CCDC85A: variants seen among roughly 807,000 people sequenced by gnomAD.
CCDC85A encodes coiled-coil domain-containing protein 85A.
In CCDC85A, 38 loss-of-function variants were observed where a neutral mutation model predicts 50.2. The observed-to-expected ratio is 0.76, with a 90% CI of 0.58 to 0.99. The LOEUF is 0.99. Among genes scored for constraint, CCDC85A ranks in the 50% least tolerant of loss-of-function variants. CCDC85A has a pLI of 0.00. For synonymous variants in CCDC85A, 366 were observed against 301.4 expected, an observed-to-expected ratio of 1.21 and a Z score of -2.22; for missense variants, 820 against 742.0, an observed-to-expected ratio of 1.11 and a Z score of -1.22.
rs1000269337 is a variant in CCDC85A at position 56,261,360 on chromosome 2, T to A, written c.1240+67920T>A. ...ACATCACCAATGCATTTGAATGTAT[T>A]TTACATCCAAAGTGACTCTGGCACA... is the stretch of plus-strand genomic sequence containing the variant. On this transcript the variant is annotated intron_variant, in intron 2 of 5. Transcript: ENST00000407595. 2.6e-5 allele frequency among the ~76,000 whole-genome samples: 4 copies of A among 152,216 alleles called. No homozygotes were observed. In the East Asian group the frequency reaches 7.7e-4, roughly 29 times the overall value.
At chr2:56,301,634 T>A (rs990447002) in intron 2 of CCDC85A, among the ~76,000 whole-genome samples, 7 of 152,112 alleles carry the variant, frequency 4.6e-5, no homozygotes, top group Non-Finnish European at 8.8e-5. Flanking sequence ...AATCTGAAAT[T>A]TTCTAGGTGC....
At chr2:56,304,877 C>T (rs1672363101) in intron 2 of CCDC85A, among the ~76,000 whole-genome samples, 1 of 150,816 alleles carries the variant, frequency 6.6e-6, no homozygotes, top group South Asian at 2.1e-4. Flanking sequence ...GGCAAAACCC[C>T]ATCTCTACTA....
intron 2 of CCDC85A, among the ~76,000 whole-genome samples, chr2:56,304,486 G>A (rs149079344): frequency 2.2e-4 from 34 of 152,288 alleles, no homozygotes; most frequent in African/African-American, 7.9e-4. Flanking sequence ...TTAATTATGA[G>A]ACTAAGTGAC....
At chr2:56,311,013 A>G (rs1258338431) in intron 2 of CCDC85A, among the ~76,000 whole-genome samples, 1 of 152,156 alleles carries the variant, frequency 6.6e-6, no homozygotes, top group Non-Finnish European at 1.5e-5. Flanking sequence ...TGATATTCAC[A>G]TTTCCCCTAA....
chr2:56,319,777 T>C (rs1023403596), intron 2 of CCDC85A, among the ~76,000 whole-genome samples: 2 of 151,942 alleles, frequency 1.3e-5, no homozygotes, highest in Non-Finnish European at 2.9e-5. Flanking sequence ...GTCTTGGAAA[T>C]TGACTGGGGA....
chr2:56,269,634 T>A (rs955416884), intron 2 of CCDC85A, among the ~76,000 whole-genome samples: 1 of 152,174 alleles, frequency 6.6e-6, no homozygotes, highest in Non-Finnish European at 1.5e-5. Context: ...ACTCCATCTC[T>A]CAGGCTCACA....
chr2:56,373,460 G>A (rs960723412), intron 4 of CCDC85A, among the ~76,000 whole-genome samples: 1 of 152,132 alleles, frequency 6.6e-6, no homozygotes, highest in Non-Finnish European at 1.5e-5. Context: ...AAATGGCTCA[G>A]ATGATTTGGT....
At chr2:56,382,931 C>A (rs1351179668) in intron 5 of CCDC85A, among the ~76,000 whole-genome samples, 1 of 151,912 alleles carries the variant, frequency 6.6e-6, no homozygotes, top group Non-Finnish European at 1.5e-5. Flanking sequence ...CCATAGCATC[C>A]TTTGGCTCCT....
chr2:56,375,382 T>C (rs1310945110), intron 4 of CCDC85A, among the ~76,000 whole-genome samples: 1 of 152,238 alleles, frequency 6.6e-6, no homozygotes, highest in Non-Finnish European at 1.5e-5. Flanking sequence ...AAAGAAGGGT[T>C]TTATAAGAGA....
chr2:56,192,918 C>CCCCGGAGCGAGGGCAG lies in CCDC85A; in HGVS notation c.727_742dup (p.His248ArgfsTer36). On this transcript the variant is annotated frameshift_variant, in exon 2 of 6. Coordinates refer to ENST00000407595, the MANE Select transcript of CCDC85A (RefSeq NM_001080433.2). LOFTEE classifies it high-confidence loss of function. The surrounding 1 kb of genome is among the most constrained non-coding windows in gnomAD (Gnocchi z 4.7). ...TGGCAGCCCGGAGCACCTGCAGAAGCCCCGGAGCGAGGGCAGCCCGGAGCA... is the reference window on the plus strand; with the variant it reads ...TGGCAGCCCGGAGCACCTGCAGAAGCCCCGGAGCGAGGGCAGCCCGGAGCGAGGGCAGCCCGGAGCA... 6.2e-7 allele frequency: 1 copy of CCCCGGAGCGAGGGCAG among 1,613,030 alleles called. No homozygotes were observed. Among genetic ancestry groups the CCCCGGAGCGAGGGCAG allele is most frequent in the Non-Finnish European group, 8.5e-7 (1 of 1,179,612 alleles).
At chr2:56,199,793 A>G (rs1573012617) in intron 2 of CCDC85A, among the ~76,000 whole-genome samples, 1 of 152,236 alleles carries the variant, frequency 6.6e-6, no homozygotes, top group East Asian at 1.9e-4. Flanking sequence ...TGTCCTTCTA[A>G]GAGTAAACTG....
chr2:56,355,284 A>G (rs183191239), intron 3 of CCDC85A, among the ~76,000 whole-genome samples: 8 of 152,296 alleles, frequency 5.3e-5, no homozygotes, highest in Admixed American at 3.3e-4. Flanking sequence ...CCCAGGGTCT[A>G]CTGTTAAGGC....
chr2:56,366,171 G>A (rs1385564451), intron 3 of CCDC85A, among the ~76,000 whole-genome samples: 1 of 152,144 alleles, frequency 6.6e-6, no homozygotes, highest in African/African-American at 2.4e-5. Flanking sequence ...TGGACACTTA[G>A]GTTGTTTCCA....
chr2:56,250,103 T>G (rs1373313536), intron 2 of CCDC85A, among the ~76,000 whole-genome samples: 1 of 152,156 alleles, frequency 6.6e-6, no homozygotes, highest in East Asian at 1.9e-4. Context: ...AAGCAAGGAC[T>G]GTGAGGTTAT....
intron 2 of CCDC85A, among the ~76,000 whole-genome samples, chr2:56,285,235 G>A (rs1035731068): frequency 6.6e-6 from 1 of 151,040 alleles, no homozygotes; most frequent in African/African-American, 2.4e-5. Context: ...CCAAGTAGCT[G>A]GGATTACAGG....
At chr2:56,212,897 AGCAGT>A (rs1468591336) in intron 2 of CCDC85A, among the ~76,000 whole-genome samples, 1 of 152,008 alleles carries the variant, frequency 6.6e-6, no homozygotes, top group Non-Finnish European at 1.5e-5. Flanking sequence ...AAGTGTAGGT[AGCAGT>A]TAATAGTGGC....
chr2:56,214,742 T>G (rs553433601), intron 2 of CCDC85A, among the ~76,000 whole-genome samples: 1 of 152,064 alleles, frequency 6.6e-6, no homozygotes, highest in Non-Finnish European at 1.5e-5. Flanking sequence ...CATATGTGTT[T>G]GTTCTTTCAC....
chr2:56,243,482 TTTTA>T (rs555683640), intron 2 of CCDC85A, among the ~76,000 whole-genome samples: 40 of 152,210 alleles, frequency 2.6e-4, no homozygotes, highest in Non-Finnish European at 4.3e-4. Flanking sequence ...GCTTGATTCT[TTTTA>T]TTTATTTCAA....
intron 2 of CCDC85A, among the ~76,000 whole-genome samples, chr2:56,216,604 T>C (rs1294192657): frequency 6.6e-6 from 1 of 151,902 alleles, no homozygotes; most frequent in African/African-American, 2.4e-5. Flanking sequence ...CTGTATCCTG[T>C]CTACCTTGTT....
Sources: allele counts gnomAD v4.1 joint callset (sites outside exome capture counted in the v4.1 genomes callset), GRCh38; gene constraint gnomAD v4.1.1; non-coding constraint Gnocchi (gnomAD v3.1); transcripts MANE v1.5; gene names NCBI Gene and HGNC (gene_info 2026-07-23, HGNC 2026-07-21).